The following PDE3B variants were observed in gnomAD, a reference collection of about 807,000 sequenced individuals.
PDE3B encodes the protein cGMP-inhibited 3',5'-cyclic phosphodiesterase 3B.
A neutral mutation model predicts 116.8 loss-of-function variants in PDE3B; 66 were observed. The ratio of observed to expected loss-of-function variants is 0.56; its 90% confidence interval spans 0.46 to 0.69. The LOEUF (loss-of-function observed/expected upper bound fraction) is 0.69. PDE3B is among the 30% of genes least tolerant of loss of function. PDE3B has a pLI of 0.00. For synonymous variants in PDE3B, 595 were observed against 533.6 expected (o/e 1.12, Z -1.59); for missense variants, 1,384 against 1,368.1 (o/e 1.01, Z -0.18).
chr11:14,850,459 G>C (rs1364994590), intron 12 of PDE3B, among the ~76,000 whole-genome samples: 2 of 151,666 alleles, frequency 1.3e-5, no homozygotes, highest in African/African-American at 4.8e-5. Context: ...TGCACATTGT[G>C]CACATGTACC....
At chr11:14,806,892 A>T (rs1590161400) in intron 5 of PDE3B, among the ~76,000 whole-genome samples, 1 of 151,954 alleles carries the variant, frequency 6.6e-6, no homozygotes, top group African/African-American at 2.4e-5. Flanking sequence ...AAAAAAAAGA[A>T]AATGTGGCAC....
In PDE3B at chr11:14,695,602, C is replaced by T. The variant is rs184028972; in HGVS notation, c.978+50549C>T. Reference sequence around the variant, plus strand: ...ACATGTGCCATGGTAGTTTACTGGACCTGTTAACCCATCACCTAGGTATTA... The same window carrying T: ...ACATGTGCCATGGTAGTTTACTGGATCTGTTAACCCATCACCTAGGTATTA... On this transcript the variant is annotated intron_variant, in intron 1 of 15. Coordinates refer to ENST00000282096, the MANE Select transcript of PDE3B (RefSeq NM_000922.4). 6.4e-3 allele frequency among the ~76,000 whole-genome samples: 972 copies of T among 151,950 alleles called. 1 individual carries two copies. The highest frequency in any genetic ancestry group is 0.011 in the Non-Finnish European group (775 of 67,960).
At chr11:14,646,399 C>T (rs1201726512) in intron 1 of PDE3B, among the ~76,000 whole-genome samples, 1 of 152,150 alleles carries the variant, frequency 6.6e-6, no homozygotes, top group Non-Finnish European at 1.5e-5. Context: ...CTTCTGTGGT[C>T]AACCACTTGA....
chr11:14,684,310 C>A (rs997881634), intron 1 of PDE3B, among the ~76,000 whole-genome samples: 1 of 152,092 alleles, frequency 6.6e-6, no homozygotes, highest in Non-Finnish European at 1.5e-5. Flanking sequence ...GATGACATCA[C>A]GTATCGGTAG....
intron 1 of PDE3B, chr11:14,698,978 A>G (rs1855289312): frequency 6.6e-6 from 1 of 151,956 alleles, no homozygotes; most frequent in African/African-American, 2.4e-5. Context: ...GAAACTTGTA[A>G]GCTTCTTTTA....
At chr11:14,725,628 C>G (rs918893611) in intron 1 of PDE3B, among the ~76,000 whole-genome samples, 1 of 131,360 alleles carries the variant, frequency 7.6e-6, no homozygotes, top group Non-Finnish European at 1.6e-5. Context: ...CCTCTCCTTT[C>G]CTTTCCTTTT....
intron 1 of PDE3B, among the ~76,000 whole-genome samples, chr11:14,750,604 G>A (rs1364230629): frequency 2.6e-5 from 4 of 151,810 alleles, no homozygotes; most frequent in Non-Finnish European, 5.9e-5. Flanking sequence ...ATGTAGATAT[G>A]ATATAAATTT....
chr11:14,724,052 A>T (rs572256658), intron 1 of PDE3B, among the ~76,000 whole-genome samples: 87 of 152,328 alleles, frequency 5.7e-4, no homozygotes, highest in African/African-American at 2.0e-3. Context: ...GACATGCCAT[A>T]GTGGCTATGG....
chr11:14,891,956 T>G, the PDE3B span: 2 of 1,609,164 alleles, frequency 1.2e-6, no homozygotes, highest in East Asian at 4.5e-5. Flanking sequence ...CGGCCCTCCC[T>G]GCCCGGGGCC....
At chr11:14,894,449 T>C in the PDE3B span, among the ~76,000 whole-genome samples, 4 of 152,350 alleles carry the variant, frequency 2.6e-5, no homozygotes, top group South Asian at 8.3e-4. Flanking sequence ...ACAGCTGTTA[T>C]ACAGTACAGG....
intron 1 of PDE3B, among the ~76,000 whole-genome samples, chr11:14,670,146 T>C (rs2133779148): frequency 6.6e-6 from 1 of 152,240 alleles, no homozygotes; most frequent in Non-Finnish European, 1.5e-5. Flanking sequence ...GAGTGGGGCT[T>C]TCAGTTAAGA....
At chr11:14,651,209 C>G (rs1011938817) in intron 1 of PDE3B, among the ~76,000 whole-genome samples, 2 of 152,150 alleles carry the variant, frequency 1.3e-5, no homozygotes, top group African/African-American at 2.4e-5. Flanking sequence ...GCAGATGCAT[C>G]ACGCTGATCT....
intron 12 of PDE3B, among the ~76,000 whole-genome samples, chr11:14,848,930 C>T (rs1442596763): frequency 6.6e-6 from 1 of 152,116 alleles, no homozygotes; most frequent in African/African-American, 2.4e-5. Flanking sequence ...TTTATAGATT[C>T]AATGCCATCC....
chr11:14,806,220 A>G (rs1283927970), intron 5 of PDE3B, among the ~76,000 whole-genome samples: 4 of 151,852 alleles, frequency 2.6e-5, no homozygotes, highest in African/African-American at 4.8e-5. Flanking sequence ...TGGGAGGCCA[A>G]GGCAGGCGGA....
intron 1 of PDE3B, among the ~76,000 whole-genome samples, chr11:14,722,505 T>C (rs533662597): frequency 6.6e-6 from 1 of 152,324 alleles, no homozygotes; most frequent in African/African-American, 2.4e-5. Context: ...TTATTCCGTT[T>C]TGTAAGATTT....
chr11:14,670,345 C>A (rs573319462), intron 1 of PDE3B, among the ~76,000 whole-genome samples: 1 of 152,234 alleles, frequency 6.6e-6, no homozygotes, highest in Admixed American at 6.5e-5. Flanking sequence ...CAGAGCCTAG[C>A]AGATACTGTT....
chr11:14,671,836 T>A (rs1313759575), intron 1 of PDE3B, among the ~76,000 whole-genome samples: 2 of 151,764 alleles, frequency 1.3e-5, no homozygotes, highest in Admixed American at 6.6e-5. Context: ...GAGACCAGTT[T>A]GGGCAACATA....
At position 14,644,568 on chromosome 11, in the gene PDE3B, G is replaced by T; in HGVS notation, c.493G>T (p.Asp165Tyr). ...LALPACCYLG[D>Y]FLVWQWWSWP... ...GCTGCCCGCCTGCTGTTACCTGGGG[G>T]ACTTCTTGGTGTGGCAGTGGTGGTC... Residue 165 changes from aspartate (D) to tyrosine (Y), a missense_variant, in exon 1 of 16, where the codon GAC becomes TAC. Transcript: ENST00000282096. The T allele has an allele frequency of 1.3e-6, 2 of 1,592,904 alleles. No individual in the cohort carries two copies. Among genetic ancestry groups the T allele is most frequent in the Non-Finnish European group, 1.7e-6 (2 of 1,169,928 alleles).
chr11:14,725,113 T>C (rs1386659644), intron 1 of PDE3B, among the ~76,000 whole-genome samples: 1 of 152,142 alleles, frequency 6.6e-6, no homozygotes, highest in African/African-American at 2.4e-5. Context: ...AATCAAGAAC[T>C]TCCTTCTTTT....
Sources: allele counts gnomAD v4.1 joint callset (sites outside exome capture counted in the v4.1 genomes callset), GRCh38; gene constraint gnomAD v4.1.1; transcripts MANE v1.5; gene names NCBI Gene and HGNC (gene_info 2026-07-23, HGNC 2026-07-21).